Variants in PHACTR2 observed in about 807,000 individuals in gnomAD.
PHACTR2 encodes phosphatase and actin regulator 2.
A neutral mutation model predicts 76.0 loss-of-function variants in PHACTR2; 30 were observed. The ratio of observed to expected loss-of-function variants is 0.39; its 90% confidence interval spans 0.30 to 0.54. The LOEUF (loss-of-function observed/expected upper bound fraction) is 0.54, where lower values mean the gene tolerates loss of function less well. Ranked by LOEUF, PHACTR2 falls within the 20% of genes least tolerant of loss-of-function variation. The pLI, the probability that PHACTR2 is intolerant of heterozygous loss-of-function variation, is 0.61. For synonymous variants in PHACTR2, 292 were observed against 292.5 expected (o/e 1.00, Z 0.02); for missense variants, 696 against 781.1 (o/e 0.89, Z 1.30).
chr6:143,779,190 T>A (rs2128477014), intron 9 of PHACTR2, among the ~76,000 whole-genome samples: 1 of 152,312 alleles, frequency 6.6e-6, no homozygotes, highest in East Asian at 1.9e-4. Context: ...TGGCCTAACT[T>A]ACAAACACTC....
chr6:143,823,598 C>G lies in PHACTR2; in HGVS notation c.1923-76C>G, dbSNP rs1776471982. 9.0e-7 allele frequency: 1 copy of G among 1,114,292 alleles called. No homozygotes were observed. Among genetic ancestry groups the G allele is most frequent in the Admixed American group, 1.7e-5 (1 of 58,078 alleles). 69.0% of individuals were successfully genotyped at this position (1,114,292 alleles called of 1,614,324 possible). On this transcript the variant is annotated intron_variant, in intron 12 of 12. Coordinates refer to ENST00000440869, the MANE Select transcript of PHACTR2 (RefSeq NM_001100164.2). The surrounding 1 kb of genome is among the most constrained non-coding windows in gnomAD (Gnocchi z 5.7). Reference sequence around the variant, plus strand: ...GGGTACCTTTTCATTGTAAACATGACCACGCCTTATTCAGCTCACTGCATG... The same window carrying G: ...GGGTACCTTTTCATTGTAAACATGAGCACGCCTTATTCAGCTCACTGCATG...
At position 143,598,067 on chromosome 6, in the gene PHACTR2, T is replaced by C. The variant is rs1439021438; in HGVS notation, c.217+60860T>C. On this transcript the variant is annotated intron_variant, in intron 1 of 11. Coordinates refer to the PHACTR2 transcript ENST00000367584. This position sits in a 1 kb window ranked among gnomAD's most constrained non-coding sequence, Gnocchi z 4.1. ...GTAGTTTGTTAAGACAGTGATGATATAGTAGGTCGAAGAATGCCCCCCGCG... is the reference window on the plus strand; with the variant it reads ...GTAGTTTGTTAAGACAGTGATGATACAGTAGGTCGAAGAATGCCCCCCGCG... 6.6e-6 allele frequency among the ~76,000 whole-genome samples: 1 copy of C among 152,126 alleles called. No individual in the cohort carries two copies. The highest frequency in any genetic ancestry group is 1.5e-5 in the Non-Finnish European group (1 of 68,032).
upstream of PHACTR2, among the ~76,000 whole-genome samples, chr6:143,605,998 G>A (rs1202529968): frequency 6.6e-6 from 1 of 152,080 alleles, no homozygotes. The surrounding 1 kb of genome is among the most constrained non-coding windows in gnomAD (Gnocchi z 5.0). Flanking sequence ...ATGGACTGAA[G>A]GACCACAGTC....
intron 2 of PHACTR2, among the ~76,000 whole-genome samples, chr6:143,716,880 A>G (rs761985292): frequency 6.6e-6 from 1 of 152,320 alleles, no homozygotes; most frequent in Non-Finnish European, 1.5e-5. Context: ...CAGTGGCCCA[A>G]CATGTGTGGA....
intron 6 of PHACTR2, among the ~76,000 whole-genome samples, chr6:143,769,075 A>G (rs567676688): frequency 6.6e-6 from 1 of 152,288 alleles, no homozygotes; most frequent in South Asian, 2.1e-4. Context: ...AAATCTTGTC[A>G]TTTTATGAAG....
Position 143,570,108 on chromosome 6 carries a change from G to A in PHACTR2, c.217+32901G>A, listed in dbSNP as rs1775429902. On this transcript the variant is annotated intron_variant, in intron 1 of 11. Transcript: ENST00000367584. This position sits in a 1 kb window ranked among gnomAD's most constrained non-coding sequence, Gnocchi z 4.6. ...TTCATTGTTTTTCTCCTTATTCTCT[G>A]CTCTTAAGAGATTCTGTTTCCCTTA... Among the ~76,000 whole-genome samples, 1 of 152,184 alleles carries A rather than the reference G, an allele frequency of 6.6e-6. No homozygotes were observed. Among genetic ancestry groups the A allele is most frequent in the Non-Finnish European group, 1.5e-5 (1 of 68,038 alleles).
intron 1 of PHACTR2, among the ~76,000 whole-genome samples, chr6:143,545,595 A>T (rs757363904): frequency 6.6e-6 from 1 of 152,214 alleles, no homozygotes; most frequent in Non-Finnish European, 1.5e-5. Flanking sequence ...TGGTTTCAGA[A>T]GAGTGGAGTA....
At chr6:143,651,098 A>G (rs541773913) in intron 1 of PHACTR2, among the ~76,000 whole-genome samples, 4 of 152,334 alleles carry the variant, frequency 2.6e-5, no homozygotes, top group African/African-American at 7.2e-5. Flanking sequence ...AAAGCTCAAC[A>G]TCACTGATCA....
chr6:143,721,637 A>ATG (rs5880570), intron 2 of PHACTR2, among the ~76,000 whole-genome samples: 61 of 150,728 alleles, frequency 4.0e-4, no homozygotes, highest in Middle Eastern at 3.4e-3. Context: ...CTATCTTCTG[A>ATG]TGTGTGTGTG....
intron 2 of PHACTR2, among the ~76,000 whole-genome samples, chr6:143,716,438 G>C: frequency 6.6e-6 from 1 of 152,160 alleles, no homozygotes. Flanking sequence ...AAATCCTCCC[G>C]CCTCAGCCTC....
chr6:143,638,100 G>C (rs1287591998), intron 1 of PHACTR2, among the ~76,000 whole-genome samples: 1 of 152,214 alleles, frequency 6.6e-6, no homozygotes, highest in Non-Finnish European at 1.5e-5. Flanking sequence ...AATATTTTTA[G>C]TGTGTAGTTG....
intron 2 of PHACTR2, among the ~76,000 whole-genome samples, chr6:143,732,790 C>T (rs1778729844): frequency 6.6e-6 from 1 of 152,184 alleles, no homozygotes; most frequent in Admixed American, 6.5e-5. Flanking sequence ...TACACTCCAG[C>T]CAACATTTAT....
At chr6:143,808,127 ATTTT>A (rs35192258) in intron 12 of PHACTR2, among the ~76,000 whole-genome samples, 4 of 130,400 alleles carry the variant, frequency 3.1e-5, no homozygotes, top group African/African-American at 2.9e-5. Flanking sequence ...ACAATCCAAA[ATTTT>A]TTTTTTTTTT....
At chr6:143,732,037 A>G (rs1271886384) in intron 2 of PHACTR2, among the ~76,000 whole-genome samples, 4 of 152,176 alleles carry the variant, frequency 2.6e-5, no homozygotes, top group Non-Finnish European at 5.9e-5. Flanking sequence ...CCTTCCATAA[A>G]GTCTATGTGC....
In PHACTR2 at chr6:143,562,165, T is replaced by A. The variant is rs1421158866; in HGVS notation, c.217+24958T>A. 2 of 152,246 alleles carry A rather than the reference T, an allele frequency of 1.3e-5. No homozygotes were observed. The highest frequency in any genetic ancestry group is 2.9e-5 in the Non-Finnish European group (2 of 68,058). 9.4% of individuals were successfully genotyped at this position (152,246 alleles called of 1,614,324 possible). ...TGCTCTCTGTTGTGTTGGAATAATC[T>A]GTTTACTTGATGTATTAGGCCATTC... On this transcript the variant is annotated intron_variant, in intron 1 of 11. Transcript: ENST00000367584. This position sits in a 1 kb window ranked among gnomAD's most constrained non-coding sequence, Gnocchi z 5.1.
At position 143,624,497 on chromosome 6, in the gene PHACTR2, A is replaced by C. The variant is rs9496711; in HGVS notation, c.13+16175A>C. 0.063 allele frequency among the ~76,000 whole-genome samples: 9,567 copies of C among 152,230 alleles called. 326 individuals are homozygous for C. The highest frequency in any genetic ancestry group is 0.1 in the Middle Eastern group (30 of 294). ...ACCACAACATGGACATTTCAACTAGATTTTCTTCCACCTTCCTAAATTGAG... is the reference window on the plus strand; with the variant it reads ...ACCACAACATGGACATTTCAACTAGCTTTTCTTCCACCTTCCTAAATTGAG... On this transcript the variant is annotated intron_variant, in intron 1 of 11. Transcript: ENST00000305766. The surrounding 1 kb of genome is among the most constrained non-coding windows in gnomAD (Gnocchi z 4.6).
chr6:143,757,232 T>C lies in PHACTR2; in HGVS notation c.455-3169T>C, dbSNP rs372250407. Among the ~76,000 whole-genome samples the C allele has an allele frequency of 5.3e-5, 8 of 150,846 alleles. No homozygotes were observed. Among genetic ancestry groups the C allele is most frequent in the African/African-American group, 1.5e-4 (6 of 41,050 alleles). ...ACTCTACTAGGGGCCAGGAAAAGAG[T>C]AGTAAATGAAAAATGGCCTTTGCCT... On this transcript the variant is annotated intron_variant, in intron 4 of 12. Transcript: ENST00000440869. This position sits in a 1 kb window ranked among gnomAD's most constrained non-coding sequence, Gnocchi z 4.2.
Position 143,610,080 on chromosome 6 carries a change from A to G in PHACTR2, c.13+1758A>G, listed in dbSNP as rs962336460. Among the ~76,000 whole-genome samples the G allele has an allele frequency of 6.6e-6, 1 of 152,186 alleles. No homozygotes were observed. Among genetic ancestry groups the G allele is most frequent in the African/African-American group, 2.4e-5 (1 of 41,440 alleles). Reference sequence around the variant, plus strand: ...CTTTGAATAGAATAACGGGTTTTAAATCACATAATTTGAATGCTTCAGAAA... The same window carrying G: ...CTTTGAATAGAATAACGGGTTTTAAGTCACATAATTTGAATGCTTCAGAAA... On this transcript the variant is annotated intron_variant, in intron 1 of 11. Transcript: ENST00000305766. This position sits in a 1 kb window ranked among gnomAD's most constrained non-coding sequence, Gnocchi z 4.9.
chr6:143,702,806 A>T (rs1388517854), intron 1 of PHACTR2, among the ~76,000 whole-genome samples: 2 of 123,736 alleles, frequency 1.6e-5, no homozygotes, highest in African/African-American at 5.4e-5. Context: ...TTTTACAGAA[A>T]ATAAACTACT....
Sources: gnomAD v4.1 joint callset for allele counts (sites outside exome capture counted in the v4.1 genomes callset) on GRCh38, gnomAD v4.1.1 for gene constraint, Gnocchi (gnomAD v3.1) non-coding constraint, MANE v1.5 for transcripts, NCBI Gene and HGNC (gene_info 2026-07-23, HGNC 2026-07-21) for gene names.